The following SPON1 variants were observed in gnomAD, a reference collection of about 807,000 sequenced individuals.
SPON1 encodes spondin-1.
SPON1 carries 52 observed loss-of-function variants against 111.7 expected under a neutral mutation model. That is an observed-to-expected ratio of 0.47 (90% confidence interval 0.37 to 0.59). The LOEUF is 0.59. Ranked by LOEUF, SPON1 falls within the 20% of genes least tolerant of loss-of-function variation. SPON1 has a pLI of 0.00. For synonymous variants in SPON1, 410 were observed against 395.8 expected, an observed-to-expected ratio of 1.04 and a Z score of -0.43; for missense variants, 957 against 1,068.5, an observed-to-expected ratio of 0.90 and a Z score of 1.46.
At chr11:14,042,427 C>T (rs1484511867) in intron 3 of SPON1, among the ~76,000 whole-genome samples, 1 of 152,020 alleles carries the variant, frequency 6.6e-6, no homozygotes, top group African/African-American at 2.4e-5. Context: ...TGGTTTCACC[C>T]AGTATTTATG....
intron 7 of SPON1, among the ~76,000 whole-genome samples, chr11:14,253,344 C>G (rs1266483411): frequency 6.6e-6 from 1 of 152,240 alleles, no homozygotes; most frequent in Non-Finnish European, 1.5e-5. Flanking sequence ...GGGCTAAGTA[C>G]TGTCTGCAAG....
In SPON1 at chr11:14,124,681, G is replaced by A. The variant is rs140250022; in HGVS notation, c.677-10739G>A. Among the ~76,000 whole-genome samples, 455 of 152,236 alleles carry A rather than the reference G, an allele frequency of 3.0e-3. 2 individuals carry two copies. Among genetic ancestry groups the A allele is most frequent in the African/African-American group, 9.2e-3 (380 of 41,514 alleles). On this transcript the variant is annotated intron_variant, in intron 5 of 15. Coordinates refer to ENST00000576479, the MANE Select transcript of SPON1 (RefSeq NM_006108.4). Reference sequence around the variant, plus strand: ...TCAGCTGTAACTACTCAACTCTGCCGTTGTAGCATGAAAGTGGCCATAAAC... The same window carrying A: ...TCAGCTGTAACTACTCAACTCTGCCATTGTAGCATGAAAGTGGCCATAAAC...
intron 5 of SPON1, among the ~76,000 whole-genome samples, chr11:14,116,535 C>G (rs1371261777): frequency 6.6e-6 from 1 of 152,098 alleles, no homozygotes; most frequent in African/African-American, 2.4e-5. Context: ...AGTGACTGTA[C>G]ATCTGTGGGT....
chr11:14,207,515 G>A (rs138470783), intron 6 of SPON1, among the ~76,000 whole-genome samples: 5,249 of 151,652 alleles, frequency 0.035, 120 homozygotes, highest in Non-Finnish European at 0.049. Flanking sequence ...AAATTTACAA[G>A]AAAAAAACCA....
intron 2 of SPON1, among the ~76,000 whole-genome samples, chr11:13,999,066 A>G (rs528630964): frequency 6.6e-6 from 1 of 152,316 alleles, no homozygotes; most frequent in East Asian, 1.9e-4. Flanking sequence ...GCAAACACTT[A>G]AAGCCGTTGT....
chr11:14,133,149 A>G (rs567990127), intron 5 of SPON1, among the ~76,000 whole-genome samples: 2 of 152,164 alleles, frequency 1.3e-5, no homozygotes, highest in African/African-American at 4.8e-5. Flanking sequence ...GGTGTCAGGA[A>G]CTCTGCTGAA....
intron 1 of SPON1, among the ~76,000 whole-genome samples, chr11:13,966,014 G>A (rs1460058060): frequency 6.6e-6 from 1 of 152,094 alleles, no homozygotes; most frequent in Non-Finnish European, 1.5e-5. Context: ...TGCTGTCTAA[G>A]TACAGTCTTT....
At position 14,013,194 on chromosome 11, in the gene SPON1, T is replaced by C. The variant is rs1219891362; in HGVS notation, c.346-28327T>C. ...GAAGCCCCATGCTAACAACTTCTGC[T>C]AATTCTTAGGCTGATTATGTGGATT... is the stretch of plus-strand genomic sequence containing the variant. On this transcript the variant is annotated intron_variant, in intron 2 of 15. Transcript: ENST00000576479. 2.6e-5 allele frequency among the ~76,000 whole-genome samples: 4 copies of C among 152,336 alleles called. No homozygotes were observed. In the East Asian group the frequency reaches 7.7e-4, roughly 29 times the overall value.
intron 6 of SPON1, among the ~76,000 whole-genome samples, chr11:14,203,093 G>T (rs1340517480): frequency 1.3e-5 from 2 of 152,264 alleles, no homozygotes; most frequent in East Asian, 3.9e-4. Context: ...TGATTTAGGA[G>T]GTTGATCCCT....
chr11:14,210,840 C>T (rs556474173), intron 6 of SPON1, among the ~76,000 whole-genome samples: 2 of 152,314 alleles, frequency 1.3e-5, no homozygotes, highest in East Asian at 1.9e-4. Context: ...GTTTTCCCAA[C>T]ACCATTTATT....
At position 14,032,146 on chromosome 11, in the gene SPON1, G is replaced by A. The variant is rs1027865495; in HGVS notation, c.346-9375G>A. On this transcript the variant is annotated intron_variant, in intron 2 of 15. Transcript: ENST00000576479. The stretch of plus-strand genomic sequence containing the variant: ...CATTAAATGGAAAAGAAATATGTTC[G>A]TGATATGGTGTGAAATGACGAGTTA... Among the ~76,000 whole-genome samples, 8 of 152,146 alleles carry A rather than the reference G, an allele frequency of 5.3e-5. No individual in the cohort carries two copies. In the East Asian group the frequency reaches 9.6e-4, roughly 18 times the overall value.
chr11:14,047,050 T>C (rs1366833917), intron 3 of SPON1, among the ~76,000 whole-genome samples: 1 of 152,152 alleles, frequency 6.6e-6, no homozygotes, highest in African/African-American at 2.4e-5. Flanking sequence ...AAGTTTGAAT[T>C]TGGGCACTGC....
chr11:14,177,975 G>A (rs1417453292), intron 6 of SPON1, among the ~76,000 whole-genome samples: 4 of 151,256 alleles, frequency 2.6e-5, no homozygotes, highest in African/African-American at 9.7e-5. Context: ...CCTGTTCAAA[G>A]TACTTGTCAC....
intron 6 of SPON1, among the ~76,000 whole-genome samples, chr11:14,143,433 C>T (rs1448825515): frequency 6.6e-6 from 1 of 152,056 alleles, no homozygotes; most frequent in African/African-American, 2.4e-5. Context: ...CATGGAGGTG[C>T]ACGTCTGTAG....
chr11:13,980,803 C>T (rs549963282), intron 1 of SPON1, among the ~76,000 whole-genome samples: 10 of 152,232 alleles, frequency 6.6e-5, no homozygotes, highest in South Asian at 2.1e-4. Flanking sequence ...TGAATATATT[C>T]GGTTTGTGAA....
chr11:14,183,436 T>C (rs143821096), intron 6 of SPON1, among the ~76,000 whole-genome samples: 1 of 152,376 alleles, frequency 6.6e-6, no homozygotes, highest in Non-Finnish European at 1.5e-5. Context: ...TAAGTATTGC[T>C]AGCAGACACA....
intron 6 of SPON1, among the ~76,000 whole-genome samples, chr11:14,145,613 T>A (rs184093948): frequency 6.6e-5 from 10 of 152,202 alleles, no homozygotes; most frequent in Non-Finnish European, 7.4e-5. Flanking sequence ...AGTTCAGGAG[T>A]GTTAGGTATA....
At chr11:14,190,147 G>T (rs1848329546) in intron 6 of SPON1, among the ~76,000 whole-genome samples, 1 of 152,166 alleles carries the variant, frequency 6.6e-6, no homozygotes, top group South Asian at 2.1e-4. Flanking sequence ...GGACCCAGGG[G>T]AGACTGGGTC....
rs1048982450 is a variant in SPON1 at position 14,008,847 on chromosome 11, A to G, written c.345+25894A>G. On this transcript the variant is annotated intron_variant, in intron 2 of 15. Transcript: ENST00000576479. ...TCTTCCTTCAGGAATTTTCCTTCTT[A>G]AAAGAACAATTTAAAAACCTTACAA... 4.6e-5 allele frequency among the ~76,000 whole-genome samples: 7 copies of G among 152,162 alleles called. 1 individual carries two copies. The South Asian group carries it at 1.5e-3, about 32-fold the overall frequency.
Sources: gnomAD v4.1 joint callset for allele counts (sites outside exome capture counted in the v4.1 genomes callset) on GRCh38, gnomAD v4.1.1 for gene constraint, MANE v1.5 for transcripts, NCBI Gene and HGNC (gene_info 2026-07-23, HGNC 2026-07-21) for gene names.